LRRC72: variants seen among roughly 807,000 people sequenced by gnomAD.
The protein encoded by LRRC72 is leucine-rich repeat-containing protein 72.
Under a neutral mutation model 35.8 loss-of-function variants are expected in LRRC72, and 41 were observed. The ratio of observed to expected loss-of-function variants is 1.15; its 90% CI spans 0.89 to 1.49. The LOEUF (loss-of-function observed/expected upper bound fraction) is 1.49. Among genes scored for constraint, LRRC72 ranks in the 40% most tolerant of loss-of-function variants. The pLI is 0.00. For synonymous variants in LRRC72, 118 were observed against 119.2 expected (o/e 0.99, Z 0.07); for missense variants, 389 against 330.7 (o/e 1.18, Z -1.37).
Position 16,554,574 on chromosome 7 carries a change from T to C in LRRC72, c.235-2786T>C, listed in dbSNP as rs964465789. Among the ~76,000 whole-genome samples the C allele has an allele frequency of 3.9e-5, 6 of 152,302 alleles. No individual in the cohort carries two copies. In the South Asian group the frequency reaches 1.0e-3, roughly 26 times the overall value. ...CCTCCTTATTCATCTTCTGCCATTG[T>C]ATTTAATATCCCCTGTAAATCGGCC... On this transcript the variant is annotated intron_variant, in intron 3 of 8. Coordinates refer to ENST00000401542, the MANE Select transcript of LRRC72 (RefSeq NM_001195280.2).
At chr7:16,537,579 T>C in intron 2 of LRRC72, 48 bp from the exon 3 acceptor site, 1 of 1,142,120 alleles carries the variant, frequency 8.8e-7, no homozygotes, top group South Asian at 1.5e-5. Flanking sequence ...GACTTACCTA[T>C]GTGTGAACTA....
At chr7:16,533,071 T>C (rs926390087) in intron 2 of LRRC72, among the ~76,000 whole-genome samples, 3 of 152,078 alleles carry the variant, frequency 2.0e-5, no homozygotes, top group Admixed American at 6.5e-5. Flanking sequence ...TTGTGAAGCT[T>C]AGGTGAGTTA....
chr7:16,556,356 A>G (rs758235809), intron 3 of LRRC72, among the ~76,000 whole-genome samples: 9 of 152,212 alleles, frequency 5.9e-5, no homozygotes, highest in Non-Finnish European at 1.0e-4. Flanking sequence ...CTAGTGTTCA[A>G]GTGATTAACT....
At position 16,581,465 on chromosome 7, in the gene LRRC72, A is replaced by T. The variant is rs1783141514; in HGVS notation, c.840A>T (p.Gln280His). Residue 280 changes from glutamine (Q) to histidine (H), a missense_variant, in exon 9 of 9, where the codon CAA (glutamine) becomes CAT (histidine). Coordinates refer to ENST00000401542, the MANE Select transcript of LRRC72 (RefSeq NM_001195280.2). Reference sequence around the variant, plus strand: ...AAGAGGAAGGCACAGAAACAGCTCAAATGCTCACAGTTACACTGAGATAAG... The same window carrying T: ...AAGAGGAAGGCACAGAAACAGCTCATATGCTCACAGTTACACTGAGATAAG... ...YLEEEGTETAQMLTVTLR is the reference protein window; with the variant it reads ...YLEEEGTETAHMLTVTLR 1.3e-6 allele frequency: 2 copies of T among 1,549,526 alleles called. No individual in the cohort carries two copies. The highest frequency in any genetic ancestry group is 2.0e-5 in the Admixed American group (1 of 50,752).
rs1583646100 is a variant in LRRC72 at position 16,558,811 on chromosome 7, T to C, written c.317-78T>C. ...TTAGCATGTTAATTAGCATTAAAAATGTTTATTTTTATTTGCAATAAAAAA... is the reference window on the plus strand; with the variant it reads ...TTAGCATGTTAATTAGCATTAAAAACGTTTATTTTTATTTGCAATAAAAAA... On this transcript the variant is annotated intron_variant, in intron 4 of 8. Coordinates refer to ENST00000401542, the MANE Select transcript of LRRC72 (RefSeq NM_001195280.2). The C allele has an allele frequency of 8.3e-6, 7 of 838,418 alleles. No individual in the cohort carries two copies. The East Asian group carries it at 2.2e-4, about 26-fold the overall frequency. 51.9% of individuals were successfully genotyped at this position (838,418 alleles called of 1,614,324 possible). A position where few individuals can be genotyped will look rare whatever the true frequency, so the allele number is the denominator to read the frequency against.
intron 5 of LRRC72, among the ~76,000 whole-genome samples, chr7:16,562,517 C>T (rs1365120876): frequency 1.3e-5 from 2 of 152,228 alleles, no homozygotes; most frequent in Non-Finnish European, 2.9e-5. Context: ...TTGTTAAGAC[C>T]TGCTTCCTAC....
At chr7:16,569,833 C>G (rs1485161983) in intron 7 of LRRC72, among the ~76,000 whole-genome samples, 3 of 151,992 alleles carry the variant, frequency 2.0e-5, no homozygotes, top group Admixed American at 1.3e-4. Flanking sequence ...GAGTTTGAGA[C>G]CAGCCTGGAC....
intron 7 of LRRC72, among the ~76,000 whole-genome samples, chr7:16,575,039 C>A (rs79615324): frequency 0.05 from 7,392 of 148,584 alleles, 228 homozygotes; most frequent in East Asian, 0.11. Context: ...CGGTTGGACC[C>A]GGGAGTTGGA....
At chr7:16,577,329 G>A (rs1176797722) in intron 7 of LRRC72, among the ~76,000 whole-genome samples, 1 of 151,932 alleles carries the variant, frequency 6.6e-6, no homozygotes, top group Non-Finnish European at 1.5e-5. Flanking sequence ...AAGTAGCCCT[G>A]GGCCAAAGAG....
In LRRC72 at chr7:16,532,567, A is replaced by G. The variant is rs1358731512; in HGVS notation, c.163A>G (p.Lys55Glu). 2 of 1,543,556 alleles carry G rather than the reference A, an allele frequency of 1.3e-6. No individual in the cohort carries two copies. Among genetic ancestry groups the G allele is most frequent in the Non-Finnish European group, 1.8e-6 (2 of 1,140,684 alleles). Residue 55 changes from lysine to glutamate, a missense_variant and splice_region_variant, in exon 2 of 9, where the codon AAG becomes GAG. Transcript: ENST00000401542. ...ADVFELFLSK[K>E]ELTEVIDLSR... Reference sequence around the variant, plus strand: ...TGTCTTTGAGCTGTTCCTTTCTAAAAAGTAAGTGTACTTAACATAAAAAAT... The same window carrying G: ...TGTCTTTGAGCTGTTCCTTTCTAAAGAGTAAGTGTACTTAACATAAAAAAT...
At chr7:16,574,580 T>A (rs1783004956) in intron 7 of LRRC72, among the ~76,000 whole-genome samples, 2 of 151,824 alleles carry the variant, frequency 1.3e-5, no homozygotes, top group African/African-American at 2.4e-5. Flanking sequence ...TTCTCACTCA[T>A]AAGTGGGAGT....
chr7:16,561,986 C>G (rs1310210396), intron 5 of LRRC72, among the ~76,000 whole-genome samples: 1 of 152,162 alleles, frequency 6.6e-6, no homozygotes, highest in East Asian at 1.9e-4. Context: ...ATTACAAGTT[C>G]TTCAGAGGGT....
chr7:16,543,059 A>G (rs1012342324), intron 3 of LRRC72, among the ~76,000 whole-genome samples: 1 of 152,222 alleles, frequency 6.6e-6, no homozygotes, highest in Non-Finnish European at 1.5e-5. Flanking sequence ...AAGCTGCCTA[A>G]GTGTTCATAC....
chr7:16,529,108 G>A (rs1482109099), intron 1 of LRRC72, among the ~76,000 whole-genome samples: 1 of 152,134 alleles, frequency 6.6e-6, no homozygotes, highest in African/African-American at 2.4e-5. Flanking sequence ...CACTGATTAA[G>A]TACACACTTC....
chr7:16,560,372 G>T (rs1024457414), intron 5 of LRRC72, among the ~76,000 whole-genome samples: 2 of 152,130 alleles, frequency 1.3e-5, no homozygotes, highest in African/African-American at 2.4e-5. Context: ...GAGGGAAAAT[G>T]ATTCATTTGT....
intron 7 of LRRC72, among the ~76,000 whole-genome samples, chr7:16,577,673 G>A (rs975029807): frequency 6.6e-6 from 1 of 152,000 alleles, no homozygotes. Context: ...ATAATAGGCA[G>A]AAGTTAACAC....
At chr7:16,549,485 G>C (rs918178554) in intron 3 of LRRC72, among the ~76,000 whole-genome samples, 4 of 152,148 alleles carry the variant, frequency 2.6e-5, no homozygotes, top group Non-Finnish European at 4.4e-5. Context: ...GCAGTGGCTT[G>C]TACTGCTGGT....
At position 16,548,481 on chromosome 7, in the gene LRRC72, T is replaced by C. The variant is rs546819091; in HGVS notation, c.235-8879T>C. 2.5e-3 allele frequency among the ~76,000 whole-genome samples: 383 copies of C among 152,342 alleles called. 2 individuals are homozygous for C. The highest frequency in any genetic ancestry group is 8.8e-3 in the African/African-American group (366 of 41,570). On this transcript the variant is annotated intron_variant, in intron 3 of 8. Transcript: ENST00000401542. ...CTGTGACACCCTCCTTAGGGTTCTG[T>C]GGTTCCTGGCATCTTCAAGCTTCTA...
At chr7:16,539,504 A>G (rs1182722413) in intron 3 of LRRC72, among the ~76,000 whole-genome samples, 1 of 152,230 alleles carries the variant, frequency 6.6e-6, no homozygotes, top group Non-Finnish European at 1.5e-5. Flanking sequence ...CAGCCTGACC[A>G]TTAGGTAAAA....
Sources: gnomAD v4.1 joint callset for allele counts (sites outside exome capture counted in the v4.1 genomes callset) on GRCh38, gnomAD v4.1.1 for gene constraint, MANE v1.5 for transcripts, NCBI Gene and HGNC (gene_info 2026-07-23, HGNC 2026-07-21) for gene names.